FRMD6: variants seen among roughly 807,000 people sequenced by gnomAD.
The protein encoded by FRMD6 is FERM domain-containing protein 6.
A neutral mutation model predicts 73.2 loss-of-function variants in FRMD6; 37 were observed. The ratio of observed to expected loss-of-function variants is 0.51; its 90% CI spans 0.39 to 0.66. The LOEUF (loss-of-function observed/expected upper bound fraction) is 0.66, where lower values mean the gene tolerates loss of function less well. Ranked by LOEUF, FRMD6 falls within the 30% of genes least tolerant of loss-of-function variation. The probability of loss-of-function intolerance (pLI) is 0.00; values close to 1 mark genes in which losing one functional copy is unlikely to be tolerated. For synonymous variants in FRMD6, 273 were observed against 282.2 expected, an observed-to-expected ratio of 0.97 and a Z score of 0.33; for missense variants, 714 against 780.5, an observed-to-expected ratio of 0.91 and a Z score of 1.02.
At chr14:51,482,991 T>C in the FRMD6 span, among the ~76,000 whole-genome samples, 1 of 152,254 alleles carries the variant, frequency 6.6e-6, no homozygotes. Flanking sequence ...CGTGAGCCAC[T>C]GCGCCTGGCC....
chr14:51,599,043 C>A (rs1889874720), intron 2 of FRMD6, among the ~76,000 whole-genome samples: 1 of 136,052 alleles, frequency 7.4e-6, no homozygotes, highest in South Asian at 2.2e-4. Context: ...TCTCAGCAGC[C>A]TTGCCAGTAT....
intron 2 of FRMD6, among the ~76,000 whole-genome samples, chr14:51,604,053 A>G (rs1439838261): frequency 6.6e-6 from 1 of 152,166 alleles, no homozygotes; most frequent in African/African-American, 2.4e-5. Context: ...TATCCTGAGC[A>G]TAATGGAAAA....
chr14:51,521,280 A>T (rs1884941859), intron 1 of FRMD6, among the ~76,000 whole-genome samples: 1 of 152,252 alleles, frequency 6.6e-6, no homozygotes, highest in Admixed American at 6.5e-5. Context: ...TTAAAAGCTG[A>T]CATGAAAGAA....
the FRMD6 span, among the ~76,000 whole-genome samples, chr14:51,437,204 C>T: frequency 6.6e-6 from 1 of 151,910 alleles, no homozygotes; most frequent in African/African-American, 2.4e-5. Context: ...TCTCATTGTT[C>T]GACTCCCACC....
chr14:51,584,055 A>T (rs931785747), intron 2 of FRMD6: 8 of 152,224 alleles, frequency 5.3e-5, no homozygotes, highest in Non-Finnish European at 1.0e-4. Flanking sequence ...TAGTGCATTC[A>T]TATACTTATA....
the FRMD6 span, among the ~76,000 whole-genome samples, chr14:51,446,000 C>T: frequency 6.6e-6 from 1 of 152,112 alleles, no homozygotes; most frequent in South Asian, 2.1e-4. Context: ...GAGGCAGAAG[C>T]GTCGAGAGGT....
chr14:51,616,802 C>CA, intron 2 of FRMD6, among the ~76,000 whole-genome samples: 1 of 152,026 alleles, frequency 6.6e-6, no homozygotes, highest in South Asian at 2.1e-4. Flanking sequence ...GAACATGAGC[C>CA]AAAAAACAAA....
At chr14:51,426,279 C>T in the FRMD6 span, among the ~76,000 whole-genome samples, 13,167 of 152,108 alleles carry the variant, frequency 0.087, 606 homozygotes, top group East Asian at 0.12. Context: ...CATTCCATCC[C>T]CTCCAGATCC....
chr14:51,460,938 G>A, the FRMD6 span, among the ~76,000 whole-genome samples: 2 of 152,090 alleles, frequency 1.3e-5, no homozygotes, highest in African/African-American at 2.4e-5. Context: ...AACATTAGAA[G>A]TATTGGCTTA....
At chr14:51,599,330 C>A (rs147950729) in intron 2 of FRMD6, among the ~76,000 whole-genome samples, 7,051 of 152,052 alleles carry the variant, frequency 0.046, 232 homozygotes, top group Middle Eastern at 0.099. Flanking sequence ...TCACCATATA[C>A]AAAAATTAAC....
chr14:51,539,839 T>TG (rs1431819266), intron 1 of FRMD6, among the ~76,000 whole-genome samples: 3 of 152,044 alleles, frequency 2.0e-5, no homozygotes, highest in Non-Finnish European at 2.9e-5. Context: ...CTTATGAGGG[T>TG]GGGGGGAGTA....
At chr14:51,512,354 G>A (rs748063640) in intron 1 of FRMD6, among the ~76,000 whole-genome samples, 1 of 152,190 alleles carries the variant, frequency 6.6e-6, no homozygotes, top group South Asian at 2.1e-4. Context: ...AGTAAAAGGA[G>A]TTAACCTAGT....
chr14:51,608,606 C>T (rs533360204), intron 2 of FRMD6, among the ~76,000 whole-genome samples: 1 of 152,238 alleles, frequency 6.6e-6, no homozygotes, highest in Non-Finnish European at 1.5e-5. Flanking sequence ...GCCACGCTTG[C>T]AGTAGCTGTG....
At chr14:51,400,724 C>T in the FRMD6 span, among the ~76,000 whole-genome samples, 5 of 152,274 alleles carry the variant, frequency 3.3e-5, no homozygotes. Flanking sequence ...TGGGAATAAA[C>T]ATGTGTGGGT....
intron 2 of FRMD6, among the ~76,000 whole-genome samples, chr14:51,623,969 G>T (rs990401576): frequency 6.6e-6 from 1 of 152,142 alleles, no homozygotes; most frequent in Non-Finnish European, 1.5e-5. Context: ...CTATGCAGCC[G>T]TAAAAAGGAA....
the FRMD6 span, among the ~76,000 whole-genome samples, chr14:51,467,380 T>C: frequency 0.79 from 120,374 of 152,238 alleles, 47,708 homozygotes; most frequent in South Asian, 0.88. Flanking sequence ...CACACAGACA[T>C]AGCAACAATC....
At chr14:51,460,422 T>C in the FRMD6 span, among the ~76,000 whole-genome samples, 3 of 152,232 alleles carry the variant, frequency 2.0e-5, no homozygotes, top group South Asian at 2.1e-4. Context: ...TTAACACTTA[T>C]GTGCATGCAT....
chr14:51,530,597 C>T (rs1246842111), intron 1 of FRMD6, among the ~76,000 whole-genome samples: 3 of 152,064 alleles, frequency 2.0e-5, no homozygotes, highest in Non-Finnish European at 4.4e-5. Flanking sequence ...CCTCCTGCCT[C>T]GGCCTCCCGA....
intron 2 of FRMD6, among the ~76,000 whole-genome samples, chr14:51,624,784 A>G (rs2139943349): frequency 1.3e-5 from 2 of 152,314 alleles, no homozygotes; most frequent in South Asian, 4.1e-4. Context: ...CAAATTTTTT[A>G]TGCTCAGCAA....
Sources: gnomAD v4.1 joint callset for allele counts (sites outside exome capture counted in the v4.1 genomes callset) on GRCh38, gnomAD v4.1.1 for gene constraint, MANE v1.5 for transcripts, NCBI Gene and HGNC (gene_info 2026-07-23, HGNC 2026-07-21) for gene names.